The following FRMD4B variants were observed in gnomAD, a reference collection of about 807,000 sequenced individuals.
FRMD4B encodes the protein FERM domain-containing protein 4B.
In FRMD4B, 74 loss-of-function variants were observed where a neutral mutation model predicts 141.5. The ratio of observed to expected loss-of-function variants is 0.52; its 90% CI spans 0.43 to 0.63. FRMD4B has a LOEUF of 0.63. FRMD4B is among the 30% of genes least tolerant of loss of function. FRMD4B has a pLI of 0.00. For synonymous variants in FRMD4B, 506 were observed against 467.9 expected (o/e 1.08, Z -1.05); for missense variants, 1,366 against 1,253.4 (o/e 1.09, Z -1.36).
chr3:69,197,148 G>C lies in FRMD4B; in HGVS notation c.954-110C>G, dbSNP rs780694718. The C allele has an allele frequency of 1.4e-4, 117 of 819,022 alleles. 1 individual carries two copies. Among genetic ancestry groups the C allele is most frequent in the Non-Finnish European group, 2.0e-4 (109 of 539,212 alleles). 50.7% of individuals were successfully genotyped at this position (819,022 alleles called of 1,614,324 possible). A position where few individuals can be genotyped will look rare whatever the true frequency, so the allele number is the denominator to read the frequency against. ...AGCATGTTCCTCTTACCTGTCTTCT[G>C]TTGCAAAAACTCTTACGCAAATGGG... On this transcript the variant is annotated intron_variant, in intron 12 of 22. Transcript: ENST00000398540.
At chr3:69,219,285 C>T (rs529436554) in intron 9 of FRMD4B, among the ~76,000 whole-genome samples, 3 of 152,010 alleles carry the variant, frequency 2.0e-5, no homozygotes, top group Admixed American at 6.6e-5. Flanking sequence ...AATTTTGTAA[C>T]GCTTCCTCTC....
intron 1 of FRMD4B, chr3:69,353,644 C>A: frequency 1.1e-6 from 1 of 950,140 alleles, no homozygotes; most frequent in Non-Finnish European, 1.3e-6. Flanking sequence ...TGTGTGTGTG[C>A]GCGCGCGTGT....
chr3:69,200,289 G>A (rs1322295897), intron 11 of FRMD4B: 4 of 372,630 alleles, frequency 1.1e-5, no homozygotes, highest in Non-Finnish European at 1.5e-5. Context: ...ACAGCCCTCC[G>A]GGGTCCGCAC....
chr3:69,476,659 T>C (rs983039068), intron 1 of FRMD4B, among the ~76,000 whole-genome samples: 2 of 152,202 alleles, frequency 1.3e-5, no homozygotes, highest in Admixed American at 6.5e-5. Context: ...CTGTGTTCTT[T>C]TGGCTTAGGA....
At chr3:69,378,101 T>C (rs1704021806) in intron 1 of FRMD4B, among the ~76,000 whole-genome samples, 1 of 152,108 alleles carries the variant, frequency 6.6e-6, no homozygotes, top group Non-Finnish European at 1.5e-5. Context: ...ATTACAGGCT[T>C]CAGTCACCAA....
chr3:69,383,957 A>AT lies in FRMD4B; in HGVS notation c.162+1870dup, dbSNP rs201715858. On this transcript the variant is annotated intron_variant, in intron 1 of 22. Transcript: ENST00000398540. ...AGTTAAAAATAAGGAGTGGGGACTT[A>AT]TTTTTTTTTTATTTTTTATTTTTTT... Among the ~76,000 whole-genome samples the AT allele has an allele frequency of 9.1e-3, 1,354 of 149,060 alleles. 24 individuals carry two copies. The highest frequency in any genetic ancestry group is 0.07 in the East Asian group (355 of 5,082).
chr3:69,203,598 A>T (rs1180360359), intron 11 of FRMD4B, among the ~76,000 whole-genome samples: 2 of 152,184 alleles, frequency 1.3e-5, no homozygotes, highest in Non-Finnish European at 2.9e-5. Flanking sequence ...GCATTCTGGT[A>T]CTGCCACTTC....
intron 11 of FRMD4B, among the ~76,000 whole-genome samples, chr3:69,207,851 C>G (rs1292283686): frequency 6.6e-6 from 1 of 152,060 alleles, no homozygotes; most frequent in East Asian, 1.9e-4. Context: ...ATGGTTCTGC[C>G]TGTCTGGCAG....
At chr3:69,322,036 A>G (rs1178597124) in intron 1 of FRMD4B, among the ~76,000 whole-genome samples, 3 of 152,160 alleles carry the variant, frequency 2.0e-5, no homozygotes, top group African/African-American at 7.2e-5. Context: ...ACAGAGCACA[A>G]TCCAAAGCGA....
At chr3:69,435,735 G>A (rs1400334151) in intron 1 of FRMD4B, among the ~76,000 whole-genome samples, 2 of 152,172 alleles carry the variant, frequency 1.3e-5, no homozygotes, top group Non-Finnish European at 2.9e-5. Context: ...TCTTCAAGGG[G>A]AAGATATATA....
intron 1 of FRMD4B, among the ~76,000 whole-genome samples, chr3:69,499,201 A>G (rs1435788402): frequency 2.0e-5 from 3 of 152,102 alleles, no homozygotes; most frequent in African/African-American, 7.2e-5. Context: ...AACCCAGGAG[A>G]AAAGGGTGTA....
At chr3:69,510,007 G>A (rs1402977367) in intron 1 of FRMD4B, among the ~76,000 whole-genome samples, 1 of 151,552 alleles carries the variant, frequency 6.6e-6, no homozygotes, top group Admixed American at 6.6e-5. Flanking sequence ...CATGTGACGT[G>A]CTTGATTGCA....
At chr3:69,480,973 T>C (rs1460983209) in intron 1 of FRMD4B, among the ~76,000 whole-genome samples, 1 of 152,168 alleles carries the variant, frequency 6.6e-6, no homozygotes, top group African/African-American at 2.4e-5. Context: ...ACTGCTGTGC[T>C]AGCAATCAGC....
At chr3:69,460,762 C>T (rs1264529785) in intron 1 of FRMD4B, among the ~76,000 whole-genome samples, 1 of 152,126 alleles carries the variant, frequency 6.6e-6, no homozygotes, top group Non-Finnish European at 1.5e-5. Context: ...GCTTCCTGAG[C>T]CCTCCTCTAG....
chr3:69,503,320 T>C (rs1338213591), intron 1 of FRMD4B, among the ~76,000 whole-genome samples: 2 of 151,732 alleles, frequency 1.3e-5, no homozygotes, highest in Non-Finnish European at 2.9e-5. Flanking sequence ...ATTAAGAAAA[T>C]GTGGCACATA....
intron 1 of FRMD4B, among the ~76,000 whole-genome samples, chr3:69,370,625 C>T (rs966878501): frequency 6.6e-6 from 1 of 152,242 alleles, no homozygotes; most frequent in African/African-American, 2.4e-5. Context: ...AAATGTATTT[C>T]AACATACATG....
chr3:69,414,545 T>C (rs147527609), intron 2 of FRMD4B, among the ~76,000 whole-genome samples: 249 of 152,346 alleles, frequency 1.6e-3, no homozygotes, highest in Non-Finnish European at 3.0e-3. Context: ...ATGGTAATCT[T>C]AGGGCGTGAT....
intron 1 of FRMD4B, among the ~76,000 whole-genome samples, chr3:69,329,355 AT>A: frequency 6.6e-6 from 1 of 151,866 alleles, no homozygotes; most frequent in South Asian, 2.1e-4. Context: ...CTTTATTTTT[AT>A]TTTTATGTTT....
intron 1 of FRMD4B, among the ~76,000 whole-genome samples, chr3:69,348,826 G>A (rs575816048): frequency 6.6e-6 from 1 of 152,272 alleles, no homozygotes; most frequent in African/African-American, 2.4e-5. Context: ...GTATTGATGG[G>A]ATGTATCTCA....
Sources: allele counts gnomAD v4.1 joint callset (sites outside exome capture counted in the v4.1 genomes callset), GRCh38; gene constraint gnomAD v4.1.1; transcripts MANE v1.5; gene names NCBI Gene and HGNC (gene_info 2026-07-23, HGNC 2026-07-21).